VSTM2B: variants seen among roughly 807,000 people sequenced by gnomAD.
VSTM2B encodes V-set and transmembrane domain containing 2B.
VSTM2B carries 24 observed loss-of-function variants against 24.0 expected under a neutral mutation model. The ratio of observed to expected loss-of-function variants is 1.00; its 90% CI spans 0.72 to 1.40. VSTM2B has a LOEUF of 1.40. Among genes scored for constraint, VSTM2B ranks in the 40% most tolerant of loss-of-function variants. VSTM2B has a pLI of 0.00. For synonymous variants in VSTM2B, 226 were observed against 194.4 expected (o/e 1.16, Z -1.35); for missense variants, 399 against 416.4 (o/e 0.96, Z 0.36).
chr19:29,539,431 G>A (rs565683925), intron 4 of VSTM2B, among the ~76,000 whole-genome samples: 1 of 152,102 alleles, frequency 6.6e-6, no homozygotes, highest in Non-Finnish European at 1.5e-5. Flanking sequence ...AAGGTAGAAA[G>A]CTCTCTCACC....
rs922251006 is a variant in VSTM2B at position 29,526,123 on chromosome 19, G to A, written c.-461G>A. ...CGGAAAGAGCCGCGGAGGAACCGGC[G>A]GGGGCGGCTGCGGGAGCCGAAGGAG... is the stretch of plus-strand genomic sequence containing the variant. On this transcript the variant is annotated 5_prime_UTR_variant, in exon 1 of 5. Coordinates refer to ENST00000335523, the MANE Select transcript of VSTM2B (RefSeq NM_001146339.2). The surrounding 1 kb of genome is among the most constrained non-coding windows in gnomAD (Gnocchi z 4.1). Among the ~76,000 whole-genome samples, 1 of 152,052 alleles carries A rather than the reference G, an allele frequency of 6.6e-6. No homozygotes were observed. The highest frequency in any genetic ancestry group is 2.4e-5 in the African/African-American group (1 of 41,414).
At chr19:29,530,438 C>CT (rs200862658) in intron 4 of VSTM2B, 148 bp downstream of exon 4, 43,025 of 640,782 alleles carry the variant, frequency 0.067, 1,826 homozygotes, top group African/African-American at 0.14. Context: ...CGGGAGCGCC[C>CT]CCCCCAGGGC....
intron 3 of VSTM2B, chr19:29,528,971 GT>G: frequency 1.0e-6 from 1 of 985,458 alleles, no homozygotes; most frequent in Non-Finnish European, 1.2e-6. Context: ...GGGGGTGGTT[GT>G]GCCAGGCTGC....
chr19:29,530,356 C>A, intron 4 of VSTM2B, 66 bp downstream of exon 4: 1 of 1,364,244 alleles, frequency 7.3e-7, no homozygotes, highest in Non-Finnish European at 9.5e-7. Context: ...CGCCGGGACG[C>A]CCCGGGGGGC....
In VSTM2B at chr19:29,528,479, G is replaced by T. The variant is rs372581128; in HGVS notation, c.297+17G>T. The T allele has an allele frequency of 7.7e-6, 12 of 1,550,682 alleles. No homozygotes were observed. The African/African-American group carries it at 1.5e-4, about 19-fold the overall frequency. ...AAAATCAGCGTAAGTGTGGAGCCCA[G>T]CGCGGGCCGCGGGAGACCCCTTCTG... On this transcript the variant is annotated intron_variant, in intron 3 of 4. Transcript: ENST00000335523.
At position 29,526,872 on chromosome 19, in the gene VSTM2B, G is replaced by A. The variant is rs954964979; in HGVS notation, c.82+207G>A. The A allele has an allele frequency of 2.8e-5, 14 of 502,858 alleles. No homozygotes were observed. In the East Asian group the frequency reaches 4.9e-4, roughly 18 times the overall value. The allele number at this position is 502,858 out of a possible 1,614,324, so 31.1% of individuals were successfully genotyped here. On this transcript the variant is annotated intron_variant, in intron 1 of 4. Transcript: ENST00000335523. The surrounding 1 kb of genome is among the most constrained non-coding windows in gnomAD (Gnocchi z 4.1). ...CCGCGCCCGAGTCGTTCCCAGTCCC[G>A]CCGGGGCCCCGGCTGCGGAAAGGAT...
intron 4 of VSTM2B, among the ~76,000 whole-genome samples, chr19:29,551,978 A>G (rs1247420862): frequency 6.6e-6 from 1 of 152,212 alleles, no homozygotes; most frequent in Admixed American, 6.5e-5. Context: ...TGTAGGGTCA[A>G]TTTGGGCCTG....
chr19:29,538,206 C>T (rs1358424200), intron 4 of VSTM2B, among the ~76,000 whole-genome samples: 1 of 152,166 alleles, frequency 6.6e-6, no homozygotes. Context: ...ATACATCCAA[C>T]CATTTGATTG....
At chr19:29,529,427 G>A (rs931853560) in intron 3 of VSTM2B, among the ~76,000 whole-genome samples, 1 of 152,214 alleles carries the variant, frequency 6.6e-6, no homozygotes, top group African/African-American at 2.4e-5. Context: ...AAAGACGTGG[G>A]GAAGTTAAGG....
chr19:29,530,362 G>A, intron 4 of VSTM2B, 72 bp downstream of exon 4: 1 of 1,350,414 alleles, frequency 7.4e-7, no homozygotes, highest in Non-Finnish European at 9.6e-7. Context: ...GACGCCCCGG[G>A]GGGCTCCGGA....
chr19:29,560,645 C>A (rs1467975725), intron 4 of VSTM2B, among the ~76,000 whole-genome samples: 2 of 152,340 alleles, frequency 1.3e-5, no homozygotes, highest in East Asian at 3.9e-4. Context: ...AGCCCCACTG[C>A]CACTGTAGCC....
At chr19:29,553,597 G>A (rs927086625) in intron 4 of VSTM2B, among the ~76,000 whole-genome samples, 2 of 152,214 alleles carry the variant, frequency 1.3e-5, no homozygotes, top group African/African-American at 2.4e-5. Flanking sequence ...GAATGGGGCA[G>A]AGGCTGAGAT....
chr19:29,540,109 C>T (rs1334398500), intron 4 of VSTM2B, among the ~76,000 whole-genome samples: 1 of 152,244 alleles, frequency 6.6e-6, no homozygotes, highest in Non-Finnish European at 1.5e-5. Flanking sequence ...TGCCGCTTGG[C>T]CCAGAGGAAA....
intron 4 of VSTM2B, among the ~76,000 whole-genome samples, chr19:29,535,435 T>C (rs547870231): frequency 3.2e-4 from 48 of 152,308 alleles, no homozygotes; most frequent in Non-Finnish European, 5.7e-4. Flanking sequence ...GCCTCAGGGC[T>C]CTGGCTCCAA....
intron 4 of VSTM2B, among the ~76,000 whole-genome samples, chr19:29,545,040 C>T (rs552210238): frequency 3.3e-5 from 5 of 152,230 alleles, no homozygotes; most frequent in East Asian, 1.9e-4. Context: ...CATACAGCCC[C>T]GAAGAAATGG....
At chr19:29,550,332 G>A (rs1208638871) in intron 4 of VSTM2B, among the ~76,000 whole-genome samples, 1 of 152,316 alleles carries the variant, frequency 6.6e-6, no homozygotes, top group South Asian at 2.1e-4. Flanking sequence ...CTACTCAGGA[G>A]GCTGAGGCAG....
At chr19:29,561,779 C>T (rs1039249457) in intron 4 of VSTM2B, among the ~76,000 whole-genome samples, 16 of 152,058 alleles carry the variant, frequency 1.1e-4, no homozygotes, top group South Asian at 1.0e-3. Flanking sequence ...CACCCAGGCA[C>T]GTGGGCATCC....
intron 4 of VSTM2B, among the ~76,000 whole-genome samples, chr19:29,548,292 G>A (rs886118232): frequency 2.0e-5 from 3 of 152,050 alleles, no homozygotes; most frequent in Non-Finnish European, 4.4e-5. Flanking sequence ...GACTACCCAG[G>A]GCCTGGAAGC....
upstream of VSTM2B, chr19:29,525,548 G>A (rs1224652806): frequency 2.6e-5 from 4 of 152,370 alleles, no homozygotes; most frequent in Non-Finnish European, 5.9e-5. Flanking sequence ...ACCCAGCGTA[G>A]TCTCCGGCTG....
Sources: gnomAD v4.1 joint callset for allele counts (sites outside exome capture counted in the v4.1 genomes callset) on GRCh38, gnomAD v4.1.1 for gene constraint, Gnocchi (gnomAD v3.1) non-coding constraint, MANE v1.5 for transcripts, NCBI Gene and HGNC (gene_info 2026-07-23, HGNC 2026-07-21) for gene names.